Variants in CCDC66 observed in about 807,000 individuals in gnomAD.
The protein encoded by CCDC66 is coiled-coil domain-containing protein 66.
Under a neutral mutation model 128.3 loss-of-function variants are expected in CCDC66, and 133 were observed. The observed-to-expected ratio is 1.04, with a 90% CI of 0.90 to 1.20. CCDC66 has a LOEUF of 1.20. Ranked by LOEUF, CCDC66 falls within the 50% of genes most tolerant of loss-of-function variation. CCDC66 has a pLI of 0.00. For missense variants in CCDC66, 1,126 were observed against 1,075.5 expected (o/e 1.05, Z -0.66); for synonymous variants, 387 against 357.0 (o/e 1.08, Z -0.95).
intron 7 of CCDC66, among the ~76,000 whole-genome samples, chr3:56,591,808 A>G (rs1350387540): frequency 2.0e-5 from 3 of 152,208 alleles, no homozygotes; most frequent in Non-Finnish European, 4.4e-5. Context: ...AGTGAGTTGT[A>G]AACTATGAGC....
At chr3:56,565,723 G>A (rs1403626436) in intron 4 of CCDC66, among the ~76,000 whole-genome samples, 2 of 151,764 alleles carry the variant, frequency 1.3e-5, no homozygotes, top group Non-Finnish European at 2.9e-5. Flanking sequence ...CTGGAGTGCA[G>A]TGGTGCGATC....
At chr3:56,580,447 T>A (rs2068152323) in intron 7 of CCDC66, among the ~76,000 whole-genome samples, 1 of 151,904 alleles carries the variant, frequency 6.6e-6, no homozygotes, top group Admixed American at 6.6e-5. Context: ...TTTGATCCTG[T>A]CATTATGATG....
At chr3:56,585,028 C>A (rs2069376594) in intron 7 of CCDC66, among the ~76,000 whole-genome samples, 1 of 150,512 alleles carries the variant, frequency 6.6e-6, no homozygotes, top group African/African-American at 2.4e-5. Flanking sequence ...TTGCAGTGAG[C>A]CGAGATGGCA....
chr3:56,615,728 T>A (rs2075410254), intron 12 of CCDC66, 194 bp from the exon 13 acceptor site: 2 of 411,674 alleles, frequency 4.9e-6, no homozygotes, highest in Non-Finnish European at 8.4e-6. Context: ...TTGTGTCTAT[T>A]TTTACCGAGA....
chr3:56,617,705 T>C (rs1204484503), intron 14 of CCDC66, 100 bp downstream of exon 14: 4 of 1,429,480 alleles, frequency 2.8e-6, no homozygotes, highest in Non-Finnish European at 3.8e-6. Flanking sequence ...TCTGTTTCAG[T>C]TTACATTAGG....
intron 10 of CCDC66, among the ~76,000 whole-genome samples, chr3:56,597,602 T>G (rs982955039): frequency 2.0e-5 from 3 of 151,866 alleles, no homozygotes. Context: ...TTGGTTAAAT[T>G]TATTCCTAGA....
intron 6 of CCDC66, among the ~76,000 whole-genome samples, chr3:56,568,479 T>G (rs2066189633): frequency 6.6e-6 from 1 of 152,212 alleles, no homozygotes; most frequent in South Asian, 2.1e-4. Context: ...CTACAAATGC[T>G]TAAGAAACTT....
Position 56,617,342 on chromosome 3 carries a change from A to G in CCDC66, c.2074A>G (p.Lys692Glu), listed in dbSNP as rs1242056253. The G allele has an allele frequency of 6.2e-7, 1 of 1,612,940 alleles. No homozygotes were observed. Among genetic ancestry groups the G allele is most frequent in the African/African-American group, 1.3e-5 (1 of 74,864 alleles). Residue 692 changes from lysine to glutamate, a missense_variant, in exon 14 of 18, where the codon AAA becomes GAA. Physicochemically the swap from Lys to Glu is moderately conservative, Grantham distance 56. Transcript: ENST00000394672. Reference protein sequence around the residue: ...NQFTRIEKQTKHMKKYPKRPD... With the variant: ...NQFTRIEKQTEHMKKYPKRPD... ...GTTCACAAGAATAGAGAAACAAACA[A>G]AACACATGAAGAAATATCCTAAAAG...
chr3:56,561,926 T>C (rs535578269), intron 3 of CCDC66, among the ~76,000 whole-genome samples: 2 of 152,282 alleles, frequency 1.3e-5, no homozygotes, highest in Admixed American at 6.5e-5. Flanking sequence ...ATTATTGTAA[T>C]CTCCATAGTT....
At position 56,616,005 on chromosome 3, in the gene CCDC66, A is replaced by G; in HGVS notation, c.1795A>G (p.Thr599Ala). ...DSDEISGKMN[T>A]YMNSTTSKKD... Reference sequence around the variant, plus strand: ...TGATGAAATCAGTGGTAAAATGAATACATATATGAATTCTACGACTTCTAA... The same window carrying G: ...TGATGAAATCAGTGGTAAAATGAATGCATATATGAATTCTACGACTTCTAA... The change falls in exon 13 of 18, where the codon ACA (threonine) becomes GCA (alanine). Residue 599 changes from threonine (T) to alanine (A), a missense_variant. Coordinates refer to ENST00000394672, the MANE Select transcript of CCDC66 (RefSeq NM_001141947.3). The G allele has an allele frequency of 1.3e-6, 2 of 1,574,952 alleles. No individual in the cohort carries two copies. The highest frequency in any genetic ancestry group is 4.7e-5 in the East Asian group (2 of 42,328).
chr3:56,587,895 AG>A lies in CCDC66; in HGVS notation c.937-5074del, dbSNP rs767752891. On this transcript the variant is annotated intron_variant, in intron 7 of 17. Coordinates refer to ENST00000394672, the MANE Select transcript of CCDC66 (RefSeq NM_001141947.3). ...ATAAAAGTAAAATAAAAATAAAAAAAGAACCAAAAGTAGAACTACCATTTGA... is the reference window on the plus strand; with the variant it reads ...ATAAAAGTAAAATAAAAATAAAAAAAAACCAAAAGTAGAACTACCATTTGA... Among the ~76,000 whole-genome samples, 7 of 152,370 alleles carry A rather than the reference AG, an allele frequency of 4.6e-5. No homozygotes were observed. In the East Asian group the frequency reaches 1.3e-3, roughly 29 times the overall value.
In CCDC66 at chr3:56,566,687, TC is replaced by T. The variant is rs1335821828; in HGVS notation, c.641del (p.Pro214GlnfsTer8). On this transcript the variant is annotated frameshift_variant, in exon 5 of 18. Transcript: ENST00000394672. LOFTEE classifies it high-confidence loss of function. ...LFKKTEMVSSVPAENKSVLNE... is the reference protein window; with the variant it reads ...LFKKTEMVSSXPAENKSVLNE... The stretch of plus-strand genomic sequence containing the variant: ...AAAAAAACTGAAATGGTTTCATCTG[TC>T]CCAGCTGAAAATAAATCTGTCTTAA... The T allele has an allele frequency of 2.5e-6, 4 of 1,612,794 alleles. No homozygotes were observed. The highest frequency in any genetic ancestry group is 3.4e-6 in the Non-Finnish European group (4 of 1,178,972).
At chr3:56,565,533 C>T (rs1026281165) in intron 4 of CCDC66, among the ~76,000 whole-genome samples, 7 of 151,162 alleles carry the variant, frequency 4.6e-5, no homozygotes, top group African/African-American at 9.7e-5. Context: ...CCTCATGATC[C>T]GCCTGCCTCA....
At chr3:56,620,114 G>A (rs756685883) in intron 17 of CCDC66, 2 of 332,562 alleles carry the variant, frequency 6.0e-6, no homozygotes, top group Non-Finnish European at 1.1e-5. Flanking sequence ...TTTCCAGTAC[G>A]AAATCATCAG....
In CCDC66 at chr3:56,578,930, G is replaced by T. The variant is rs190673477; in HGVS notation, c.936+7628G>T. On this transcript the variant is annotated intron_variant, in intron 7 of 17. Coordinates refer to ENST00000394672, the MANE Select transcript of CCDC66 (RefSeq NM_001141947.3). The stretch of plus-strand genomic sequence containing the variant: ...CAGGATGATGTTGGTCTCATAAAAT[G>T]AGTTAGGGAGGATTCCCTCTTTTTC... Among the ~76,000 whole-genome samples the T allele has an allele frequency of 2.4e-3, 359 of 151,964 alleles. 6 individuals are homozygous for T. The highest frequency in any genetic ancestry group is 7.6e-3 in the African/African-American group (317 of 41,530).
intron 7 of CCDC66, among the ~76,000 whole-genome samples, chr3:56,576,983 G>A (rs1444400491): frequency 6.6e-6 from 1 of 151,810 alleles, no homozygotes; most frequent in Admixed American, 6.6e-5. Context: ...CTAGATCCTT[G>A]AGGAATTGCC....
At chr3:56,618,271 A>C (rs1335699684) in intron 15 of CCDC66, 59 bp downstream of exon 15, 3 of 1,417,988 alleles carry the variant, frequency 2.1e-6, no homozygotes, top group Non-Finnish European at 3.0e-6. Context: ...GGGACAAAAA[A>C]GGGATTCAAG....
rs1411792879 is a variant in CCDC66, at chr3:56,566,609, A to G, written c.560A>G (p.Tyr187Cys). 6.3e-7 allele frequency: 1 copy of G among 1,578,068 alleles called. No individual in the cohort carries two copies. The highest frequency in any genetic ancestry group is 1.3e-5 in the African/African-American group (1 of 74,262). Residue 187 changes from tyrosine to cysteine, a missense_variant, in exon 5 of 18, where the codon TAT becomes TGT. Transcript: ENST00000394672. The stretch of plus-strand genomic sequence containing the variant: ...TACCTCCTAGGTCAATATAGTCTAT[A>G]TTTAAACAGTATTTCTAATCAGCCA... ...GKEAKSQYSL[Y>C]LNSISNQPKD... is the part of the protein sequence containing the mutation.
intron 10 of CCDC66, among the ~76,000 whole-genome samples, chr3:56,596,655 C>T (rs568271833): frequency 9.2e-5 from 14 of 151,820 alleles, no homozygotes; most frequent in African/African-American, 3.2e-4. Context: ...TTTGAGGTCT[C>T]GACCACAAAC....
Sources: allele counts gnomAD v4.1 joint callset (sites outside exome capture counted in the v4.1 genomes callset), GRCh38; gene constraint gnomAD v4.1.1; transcripts MANE v1.5; gene names NCBI Gene and HGNC (gene_info 2026-07-23, HGNC 2026-07-21).